CTNNA3: variants seen among roughly 807,000 people sequenced by gnomAD.
The protein encoded by CTNNA3 is catenin alpha-3.
CTNNA3 carries 76 observed loss-of-function variants against 95.7 expected under a neutral mutation model. The observed-to-expected ratio is 0.79, with a 90% CI of 0.66 to 0.96. The LOEUF is 0.96. CTNNA3 is among the 40% of genes least tolerant of loss of function. The probability of loss-of-function intolerance (pLI) is 0.00; values close to 1 mark genes in which losing one functional copy is unlikely to be tolerated. For synonymous variants in CTNNA3, 431 were observed against 374.4 expected, an observed-to-expected ratio of 1.15 and a Z score of -1.74; for missense variants, 1,191 against 1,089.8, an observed-to-expected ratio of 1.09 and a Z score of -1.31.
chr10:67,067,242 T>C (rs952282894), intron 7 of CTNNA3, among the ~76,000 whole-genome samples: 3 of 152,204 alleles, frequency 2.0e-5, no homozygotes, highest in African/African-American at 7.2e-5. Flanking sequence ...TGTATATTTA[T>C]ATATTTGTCT....
In CTNNA3 at chr10:66,459,132, T is replaced by C. The variant is rs114499881; in HGVS notation, c.1531+61485A>G. 5.0e-3 allele frequency among the ~76,000 whole-genome samples: 765 copies of C among 152,316 alleles called. 6 individuals are homozygous for C. The highest frequency in any genetic ancestry group is 0.012 in the African/African-American group (514 of 41,578). The stretch of plus-strand genomic sequence containing the variant: ...CTACTCAACCTGAAGACAACAAAGA[T>C]GAAGACTTTTGATAGTCCATTTCCA... On this transcript the variant is annotated intron_variant, in intron 11 of 17. Coordinates refer to ENST00000433211, the MANE Select transcript of CTNNA3 (RefSeq NM_013266.4).
At chr10:66,612,738 T>C (rs1844370571) in intron 10 of CTNNA3, among the ~76,000 whole-genome samples, 1 of 152,096 alleles carries the variant, frequency 6.6e-6, no homozygotes, top group Non-Finnish European at 1.5e-5. Context: ...TGTTTACTTT[T>C]TTCAATTTCT....
intron 10 of CTNNA3, among the ~76,000 whole-genome samples, chr10:66,560,697 G>T (rs1302743561): frequency 6.6e-6 from 1 of 151,966 alleles, no homozygotes; most frequent in African/African-American, 2.4e-5. Context: ...TGAACTGAAT[G>T]TGTCCTCCAA....
At chr10:66,208,292 G>C (rs2087897132) in intron 13 of CTNNA3, among the ~76,000 whole-genome samples, 1 of 152,036 alleles carries the variant, frequency 6.6e-6, no homozygotes, top group Non-Finnish European at 1.5e-5. Flanking sequence ...TTCTAAACCT[G>C]CCAATGCCAC....
intron 5 of CTNNA3, among the ~76,000 whole-genome samples, chr10:67,406,077 G>A (rs557458746): frequency 6.6e-6 from 1 of 152,262 alleles, no homozygotes; most frequent in African/African-American, 2.4e-5. Context: ...AGAGCTGATG[G>A]TTTTATAAGA....
intron 9 of CTNNA3, among the ~76,000 whole-genome samples, chr10:66,676,861 T>C (rs1305489313): frequency 6.6e-6 from 1 of 152,082 alleles, no homozygotes; most frequent in Non-Finnish European, 1.5e-5. Context: ...TTTTCTACAA[T>C]GTCATAAATG....
At chr10:66,204,557 C>T (rs980735131) in intron 13 of CTNNA3, among the ~76,000 whole-genome samples, 11 of 152,164 alleles carry the variant, frequency 7.2e-5, no homozygotes, top group African/African-American at 2.2e-4. Context: ...CAGCCTTCAG[C>T]TCCAGACGTG....
chr10:65,996,857 C>T (rs1445765052), intron 15 of CTNNA3, among the ~76,000 whole-genome samples: 3 of 152,140 alleles, frequency 2.0e-5, no homozygotes, highest in Non-Finnish European at 2.9e-5. Flanking sequence ...CTGTTGAATT[C>T]CAGTGTTCTG....
At chr10:66,284,846 T>A (rs1226717282) in intron 12 of CTNNA3, among the ~76,000 whole-genome samples, 1 of 151,924 alleles carries the variant, frequency 6.6e-6, no homozygotes, top group Non-Finnish European at 1.5e-5. Context: ...TAGGTTATGT[T>A]AAGTAACTGG....
chr10:67,188,487 A>G (rs925613868), intron 6 of CTNNA3, among the ~76,000 whole-genome samples: 9 of 152,204 alleles, frequency 5.9e-5, no homozygotes, highest in Non-Finnish European at 8.8e-5. Context: ...ATTGAAAGCT[A>G]CAGGTAATCT....
At chr10:66,626,311 G>C (rs79512503) in intron 9 of CTNNA3, among the ~76,000 whole-genome samples, 1,734 of 152,172 alleles carry the variant, frequency 0.011, 39 homozygotes, top group African/African-American at 0.039. Context: ...AGAACACGAA[G>C]CAAACCTTGA....
chr10:67,246,196 T>A (rs1308703697), intron 5 of CTNNA3, among the ~76,000 whole-genome samples: 2 of 152,216 alleles, frequency 1.3e-5, no homozygotes, highest in Middle Eastern at 3.2e-3. Flanking sequence ...ACGCAGAGCA[T>A]GAATCATCTA....
At chr10:67,544,006 T>A (rs544986387) in intron 3 of CTNNA3, among the ~76,000 whole-genome samples, 1 of 152,218 alleles carries the variant, frequency 6.6e-6, no homozygotes, top group African/African-American at 2.4e-5. Context: ...GGAGCAAACA[T>A]GTTTTGTATG....
chr10:66,090,540 T>C (rs1330396926), intron 14 of CTNNA3, among the ~76,000 whole-genome samples: 2 of 151,968 alleles, frequency 1.3e-5, no homozygotes, highest in Non-Finnish European at 2.9e-5. Flanking sequence ...AACACAGAAA[T>C]GTTCAGTAAC....
At chr10:66,021,097 G>T (rs1032219439) in intron 15 of CTNNA3, among the ~76,000 whole-genome samples, 2 of 152,012 alleles carry the variant, frequency 1.3e-5, no homozygotes, top group African/African-American at 2.4e-5. Flanking sequence ...TAGAGTAATC[G>T]TCACTTTTGT....
intron 15 of CTNNA3, among the ~76,000 whole-genome samples, chr10:66,061,094 A>G (rs2080186732): frequency 6.6e-6 from 1 of 152,106 alleles, no homozygotes; most frequent in Non-Finnish European, 1.5e-5. Context: ...CAATGTTAAC[A>G]ATGTAACACA....
chr10:67,612,779 GTCTCTC>G (rs770156138), intron 2 of CTNNA3, among the ~76,000 whole-genome samples: 1 of 152,106 alleles, frequency 6.6e-6, no homozygotes. Flanking sequence ...ATCTGGGCTA[GTCTCTC>G]TCTCATCTTC....
At chr10:67,710,085 G>T (rs1465220134) in intron 1 of CTNNA3, among the ~76,000 whole-genome samples, 1 of 151,914 alleles carries the variant, frequency 6.6e-6, no homozygotes. Flanking sequence ...GTTTACAAGG[G>T]CCCCAAGACT....
chr10:65,983,491 A>T (rs1254739563), intron 16 of CTNNA3, among the ~76,000 whole-genome samples: 1 of 151,498 alleles, frequency 6.6e-6, no homozygotes, highest in Non-Finnish European at 1.5e-5. Flanking sequence ...ATAGAAAAAA[A>T]TATGTACTGA....
Sources: gnomAD v4.1 joint callset for allele counts (sites outside exome capture counted in the v4.1 genomes callset) on GRCh38, gnomAD v4.1.1 for gene constraint, MANE v1.5 for transcripts, NCBI Gene and HGNC (gene_info 2026-07-23, HGNC 2026-07-21) for gene names.